Variants in SLC12A7 observed in about 807,000 individuals in gnomAD.
The protein encoded by SLC12A7 is K-Cl cotransporter 4.
A neutral mutation model predicts 120.6 loss-of-function variants in SLC12A7; 100 were observed. That is an observed-to-expected ratio of 0.83 (90% confidence interval 0.71 to 0.98). The LOEUF is 0.98. SLC12A7 is among the 50% of genes least tolerant of loss of function. The pLI is 0.00. For missense variants in SLC12A7, 1,373 were observed against 1,548.1 expected, an observed-to-expected ratio of 0.89 and a Z score of 1.90; for synonymous variants, 760 against 678.0, an observed-to-expected ratio of 1.12 and a Z score of -1.88.
chr5:1,077,066 G>T (rs867701722), intron 12 of SLC12A7, among the ~76,000 whole-genome samples: 799 of 53,780 alleles, frequency 0.015, 15 homozygotes, highest in African/African-American at 0.038. Context: ...CTGCCCCCCC[G>T]CCTCAGTTTC....
At chr5:1,147,045 TCACA>T in the SLC12A7 span, among the ~76,000 whole-genome samples, 2 of 152,304 alleles carry the variant, frequency 1.3e-5, no homozygotes, top group South Asian at 4.2e-4. Flanking sequence ...CTTATTTCGT[TCACA>T]CAATGTCCTC....
At chr5:1,150,114 G>T in the SLC12A7 span, among the ~76,000 whole-genome samples, 1 of 152,222 alleles carries the variant, frequency 6.6e-6, no homozygotes. Context: ...TTTGTTTGCT[G>T]TTGCTGTTGA....
chr5:1,137,734 T>G, the SLC12A7 span, among the ~76,000 whole-genome samples: 2 of 152,226 alleles, frequency 1.3e-5, no homozygotes, highest in Non-Finnish European at 2.9e-5. Flanking sequence ...GGACATGGCC[T>G]CTGCAGGTCA....
At chr5:1,097,762 G>A (rs1160671364) in intron 1 of SLC12A7, among the ~76,000 whole-genome samples, 5 of 152,142 alleles carry the variant, frequency 3.3e-5, no homozygotes. Flanking sequence ...ATGTGAGCGT[G>A]TGTTCAGCCA....
At chr5:1,090,029 T>C (rs560224067) in intron 3 of SLC12A7, among the ~76,000 whole-genome samples, 36 of 152,380 alleles carry the variant, frequency 2.4e-4, no homozygotes, top group African/African-American at 8.2e-4. Context: ...AAGGTTTTAT[T>C]TGAAGACACT....
intron 17 of SLC12A7, among the ~76,000 whole-genome samples, chr5:1,069,407 G>A (rs1028809329): frequency 6.6e-5 from 10 of 152,212 alleles, no homozygotes; most frequent in Admixed American, 3.9e-4. Flanking sequence ...CCGGGGAGGC[G>A]GTGGGGGGCG....
At chr5:1,155,072 G>A in the SLC12A7 span, among the ~76,000 whole-genome samples, 1 of 151,508 alleles carries the variant, frequency 6.6e-6, no homozygotes, top group African/African-American at 2.4e-5. Context: ...TGGGTCCTCT[G>A]CCTCCCCCCG....
chr5:1,056,495 G>T, intron 22 of SLC12A7: 1 of 664,956 alleles, frequency 1.5e-6, no homozygotes, highest in Non-Finnish European at 1.9e-6. Context: ...CCTAGAACAC[G>T]CGCACAGACA....
intron 14 of SLC12A7, 86 bp downstream of exon 14, chr5:1,076,052 G>A (rs536057102): frequency 2.3e-5 from 26 of 1,150,020 alleles, no homozygotes; most frequent in Admixed American, 1.2e-4. Context: ...GGCTCCTGAC[G>A]CCTGTGCTGA....
intron 1 of SLC12A7, among the ~76,000 whole-genome samples, chr5:1,105,783 G>A (rs936246379): frequency 1.6e-4 from 25 of 152,192 alleles, no homozygotes; most frequent in African/African-American, 5.5e-4. Flanking sequence ...TCAGTTACCA[G>A]GAGGGCCCCC....
At position 1,086,927 on chromosome 5, in the gene SLC12A7, A is replaced by G. The variant is rs1301231807; in HGVS notation, c.651T>C (p.Ile217=). 1.1e-5 allele frequency: 18 copies of G among 1,612,768 alleles called. No individual in the cohort carries two copies. The highest frequency in any genetic ancestry group is 1.4e-5 in the Non-Finnish European group (16 of 1,179,988). ...CCAGAAAAATCTCGATGGTCCCCAA[A>G]ATATACATGGCCCCTGCAAACGTCG... ...LGTTFAGAMY[I]LGTIEIFLTY... Residue 217 remains isoleucine, a synonymous_variant, in exon 6 of 24, where the codon ATT becomes ATC. Coordinates refer to ENST00000264930, the MANE Select transcript of SLC12A7 (RefSeq NM_006598.3).
intron 7 of SLC12A7, 109 bp downstream of exon 7, chr5:1,085,123 C>T (rs148071405): frequency 0.013 from 18,285 of 1,459,668 alleles, 219 homozygotes; most frequent in Admixed American, 0.055. Flanking sequence ...CCCAGCCCAC[C>T]CCTTGCGGGG....
chr5:1,119,463 G>C, the SLC12A7 span, among the ~76,000 whole-genome samples: 1 of 152,238 alleles, frequency 6.6e-6, no homozygotes, highest in African/African-American at 2.4e-5. Context: ...GGGTGACGCC[G>C]AGGTTACACA....
At chr5:1,056,679 A>T (rs1301014852) in intron 22 of SLC12A7, 5 of 708,712 alleles carry the variant, frequency 7.1e-6, no homozygotes, top group Non-Finnish European at 8.7e-6. Flanking sequence ...GCTGCCCAGG[A>T]GGACGCCGCC....
At chr5:1,069,653 A>G (rs898182501) in intron 17 of SLC12A7, among the ~76,000 whole-genome samples, 9 of 152,330 alleles carry the variant, frequency 5.9e-5, no homozygotes, top group African/African-American at 2.2e-4. Context: ...TGCCCTTGGC[A>G]TGAAAATCAC....
rs1738748160 is a variant in SLC12A7 at position 1,079,418 on chromosome 5, A to G, written c.1376T>C (p.Ile459Thr). The G allele has an allele frequency of 6.2e-7, 1 of 1,612,408 alleles. No individual in the cohort carries two copies. ...KSIPTGTILA[I>T]VTTSFIYLSC... ...GATACAGATGAAAGACGTCGTCACT[A>G]TGGCCAGGATGGTCCCCGTGGGGAT... The change falls in exon 10 of 24, where the codon ATA becomes ACA. Residue 459 changes from isoleucine (I) to threonine (T), a missense_variant. By Grantham distance (89) the Ile-to-Thr change is moderately conservative. Transcript: ENST00000264930.
Position 1,075,383 on chromosome 5 carries a change from A to G in SLC12A7, c.1955T>C (p.Ile652Thr). ...MLIAGCIYKY[I>T]EYRGAEKEWG... The stretch of plus-strand genomic sequence containing the variant: ...TGACAGCGCTTACCCGCGGTACTCG[A>G]TGTACTTGTAGATGCAGCCAGCGAT... Residue 652 changes from isoleucine (I) to threonine (T), a missense_variant, in exon 15 of 24, where the codon ATC (isoleucine) becomes ACC (threonine). Transcript: ENST00000264930. 1.2e-6 allele frequency: 2 copies of G among 1,611,764 alleles called. No homozygotes were observed. The highest frequency in any genetic ancestry group is 1.7e-6 in the Non-Finnish European group (2 of 1,179,114).
chr5:1,111,958 C>A lies in SLC12A7; in HGVS notation c.34G>T (p.Ala12Ser), dbSNP rs748224891. 140 of 1,292,992 alleles carry A rather than the reference C, an allele frequency of 1.1e-4. No homozygotes were observed. The East Asian group carries it at 4.2e-3, about 39-fold the overall frequency. The allele number at this position is 1,292,992 out of a possible 1,614,324, so 80.1% of individuals were successfully genotyped here. The change falls in exon 1 of 24, where the codon GCT becomes TCT. Residue 12 changes from alanine (A) to serine (S), a missense_variant. Physicochemically the swap from Ala to Ser is moderately conservative, Grantham distance 99. Transcript: ENST00000264930. Reference protein sequence around the residue: ...PTNFTVVPVEAHADGGGDETA... With the variant: ...PTNFTVVPVESHADGGGDETA... Reference sequence around the variant, plus strand: ...TCGTCCCCGCCGCCGTCGGCGTGAGCCTCCACGGGCACCACGGTGAAGTTG... The same window carrying A: ...TCGTCCCCGCCGCCGTCGGCGTGAGACTCCACGGGCACCACGGTGAAGTTG...
chr5:1,064,104 G>A lies in SLC12A7; in HGVS notation c.2586C>T (p.Pro862=), dbSNP rs1202445918. 1.2e-6 allele frequency: 2 copies of A among 1,608,784 alleles called. No homozygotes were observed. The highest frequency in any genetic ancestry group is 1.7e-6 in the Non-Finnish European group (2 of 1,177,368). Residue 862 remains proline (P), a synonymous_variant, in exon 19 of 24, where the codon CCC becomes CCT. Coordinates refer to ENST00000264930, the MANE Select transcript of SLC12A7 (RefSeq NM_006598.3). ...CCACCTTGTGCTGGCGCAGCAGGAA[G>A]GGCAGCAGCATGAGCATGCCGCCGT... ...VHDGGMLMLL[P]FLLRQHKVWR...
Sources: gnomAD v4.1 joint callset for allele counts (sites outside exome capture counted in the v4.1 genomes callset) on GRCh38, gnomAD v4.1.1 for gene constraint, MANE v1.5 for transcripts, NCBI Gene and HGNC (gene_info 2026-07-23, HGNC 2026-07-21) for gene names.